Variants in P4HA3 observed in about 807,000 individuals in gnomAD.
The protein encoded by P4HA3 is prolyl 4-hydroxylase subunit alpha 3, also known as prolyl 4-hydroxylase subunit alpha-3.
A neutral mutation model predicts 66.7 loss-of-function variants in P4HA3; 60 were observed. The observed-to-expected ratio is 0.90, with a 90% CI of 0.73 to 1.12. P4HA3 has a LOEUF of 1.12. Among genes scored for constraint, P4HA3 ranks in the 50% most tolerant of loss-of-function variants. P4HA3 has a pLI of 0.00. For missense variants in P4HA3, 683 were observed against 685.8 expected, an observed-to-expected ratio of 1.00 and a Z score of 0.05; for synonymous variants, 263 against 274.6, an observed-to-expected ratio of 0.96 and a Z score of 0.42.
At chr11:74,268,696 C>G (rs1720635581) in intron 11 of P4HA3, among the ~76,000 whole-genome samples, 2 of 152,334 alleles carry the variant, frequency 1.3e-5, no homozygotes, top group Middle Eastern at 6.8e-3. Flanking sequence ...TTAACACTTT[C>G]AGGGAGCAGG....
rs373833623 is a variant in P4HA3 at position 74,273,098 on chromosome 11, G to C, written c.1398+447C>G. Among the ~76,000 whole-genome samples, 134 of 152,282 alleles carry C rather than the reference G, an allele frequency of 8.8e-4. No individual in the cohort carries two copies. The South Asian group carries it at 0.014, about 16-fold the overall frequency. On this transcript the variant is annotated intron_variant, in intron 10 of 12. Coordinates refer to ENST00000331597, the MANE Select transcript of P4HA3 (RefSeq NM_182904.5). Reference sequence around the variant, plus strand: ...TTGCTGAATTTCTCTCAGTGTCTCTGTTCTTCCCTCTTGTAAATCTGCTGC... The same window carrying C: ...TTGCTGAATTTCTCTCAGTGTCTCTCTTCTTCCCTCTTGTAAATCTGCTGC...
intron 15 of P4HA3, chr11:74,250,796 T>A (rs566712833): frequency 1.6e-6 from 1 of 622,644 alleles, no homozygotes; most frequent in Non-Finnish European, 2.9e-6. Context: ...CAATTACTTG[T>A]ATTACCATCC....
At chr11:74,291,452 G>C (rs368507833) in intron 4 of P4HA3, among the ~76,000 whole-genome samples, 9 of 152,110 alleles carry the variant, frequency 5.9e-5, no homozygotes, top group African/African-American at 2.2e-4. Flanking sequence ...TCTCCTGCCT[G>C]ATTGCCCTGG....
At chr11:74,285,134 T>C (rs1440679048) in intron 7 of P4HA3, among the ~76,000 whole-genome samples, 1 of 151,834 alleles carries the variant, frequency 6.6e-6, no homozygotes, top group Non-Finnish European at 1.5e-5. Flanking sequence ...TATGGGAAAA[T>C]GACCTCTCTC....
chr11:74,271,293 C>A (rs1860187345), intron 10 of P4HA3, among the ~76,000 whole-genome samples: 1 of 152,196 alleles, frequency 6.6e-6, no homozygotes, highest in East Asian at 1.9e-4. Context: ...GTTCAGGTAA[C>A]AAATTAGATT....
rs1046754753 is a variant in P4HA3, at chr11:74,311,420, G to C, written c.192C>G (p.Asp64Glu). 3 of 1,526,932 alleles carry C rather than the reference G, an allele frequency of 2.0e-6. No individual in the cohort carries two copies. The highest frequency in any genetic ancestry group is 2.8e-5 in the African/African-American group (2 of 71,332). 94.6% of individuals were successfully genotyped at this position (1,526,932 alleles called of 1,614,324 possible). The part of the protein sequence containing the change: ...YLRGEEARLR[D>E]LTRFYDKVLS... ...ACTCGTCGTGCCCTCACCTAGTCAGGTCCCGCAGCCGCGCCTCCTCCCCGC... is the reference window on the plus strand; with the variant it reads ...ACTCGTCGTGCCCTCACCTAGTCAGCTCCCGCAGCCGCGCCTCCTCCCCGC... The change falls in exon 1 of 13, where the codon GAC becomes GAG. Residue 64 changes from aspartate to glutamate, a missense_variant. By Grantham distance (45) the Asp-to-Glu change is conservative (BLOSUM62 2). Coordinates refer to ENST00000331597, the MANE Select transcript of P4HA3 (RefSeq NM_182904.5).
At chr11:74,253,610 C>G in intron 15 of P4HA3, 1 of 1,342,540 alleles carries the variant, frequency 7.4e-7, no homozygotes, top group Non-Finnish European at 1.1e-6. Context: ...CCCGCCCAGC[C>G]ATGTGACACT....
chr11:74,255,758 C>T (rs1298261051), intron 15 of P4HA3, among the ~76,000 whole-genome samples: 8 of 152,124 alleles, frequency 5.3e-5, no homozygotes, highest in Non-Finnish European at 8.8e-5. Flanking sequence ...GAACTGTGTC[C>T]CCATGTCAGA....
rs548418570 is a variant in P4HA3 at position 74,294,671 on chromosome 11, C to T, written c.717+3541G>A. Among the ~76,000 whole-genome samples, 445 of 152,308 alleles carry T rather than the reference C, an allele frequency of 2.9e-3. 5 individuals carry two copies. Among genetic ancestry groups the T allele is most frequent in the African/African-American group, 0.01 (417 of 41,566 alleles). ...TTAGTTTTCCTTCTAACAGACAGGA[C>T]CCTCAGCTGCAGGTCTGTTGGAGTT... On this transcript the variant is annotated intron_variant, in intron 4 of 12. Transcript: ENST00000331597.
chr11:74,251,828 G>A (rs1859675156), intron 15 of P4HA3: 1 of 1,321,818 alleles, frequency 7.6e-7, no homozygotes, highest in Non-Finnish European at 1.1e-6. Context: ...TGGTCACCAT[G>A]CCTTTCTTCC....
At position 74,308,592 on chromosome 11, in the gene P4HA3, A is replaced by G. The variant is rs1292578307; in HGVS notation, c.200+2820T>C. On this transcript the variant is annotated intron_variant, in intron 1 of 12. Transcript: ENST00000331597. ...AGAGCAGTCACTAGAGAACAGAATG[A>G]CAGAATGACAGTCTTCAAAATATCA... Among the ~76,000 whole-genome samples the G allele has an allele frequency of 2.0e-5, 3 of 152,178 alleles. No homozygotes were observed. In the East Asian group the frequency reaches 5.8e-4, roughly 29 times the overall value.
intron 8 of P4HA3, among the ~76,000 whole-genome samples, chr11:74,277,942 T>C (rs1380156234): frequency 6.6e-6 from 1 of 152,232 alleles, no homozygotes; most frequent in Non-Finnish European, 1.5e-5. Context: ...GTGTTCATTC[T>C]TTCAAATAGA....
At chr11:74,258,339 T>A (rs1859859465) in intron 15 of P4HA3, among the ~76,000 whole-genome samples, 1 of 152,172 alleles carries the variant, frequency 6.6e-6, no homozygotes, top group Non-Finnish European at 1.5e-5. Context: ...GAATGGAGTG[T>A]TGACAGAGAC....
chr11:74,258,371 AATG>A (rs907277573), intron 15 of P4HA3, among the ~76,000 whole-genome samples: 1 of 152,184 alleles, frequency 6.6e-6, no homozygotes, highest in Non-Finnish European at 1.5e-5. Flanking sequence ...GATTAATGAG[AATG>A]ATGCCATTCC....
At position 74,286,166 on chromosome 11, in the gene P4HA3, A is replaced by G. The variant is rs1053247551; in HGVS notation, c.933+62T>C. On this transcript the variant is annotated intron_variant, in intron 6 of 12. Coordinates refer to ENST00000331597, the MANE Select transcript of P4HA3 (RefSeq NM_182904.5). ...AGCTCTATCCCCTCATGTTATCCCA[A>G]TTCTAGCTTCTCAAACTCTAGCCAG... is the stretch of plus-strand genomic sequence containing the variant. 3.8e-6 allele frequency: 6 copies of G among 1,567,522 alleles called. No individual in the cohort carries two copies. In the African/African-American group the frequency reaches 6.8e-5, roughly 18 times the overall value.
At chr11:74,276,838 A>C in intron 9 of P4HA3, 147 bp downstream of exon 9, 1 of 937,598 alleles carries the variant, frequency 1.1e-6, no homozygotes, top group Non-Finnish European at 1.5e-6. Flanking sequence ...GCTTGAAACT[A>C]AGGCTTTCAG....
downstream of P4HA3, among the ~76,000 whole-genome samples, chr11:74,263,810 G>C (rs970817725): frequency 6.6e-6 from 1 of 152,316 alleles, no homozygotes; most frequent in South Asian, 2.1e-4. Context: ...TTGGAAAACA[G>C]CTCACAGAAC....
At chr11:74,278,115 G>A (rs988788680) in intron 8 of P4HA3, among the ~76,000 whole-genome samples, 6 of 152,210 alleles carry the variant, frequency 3.9e-5, no homozygotes, top group African/African-American at 1.4e-4. Context: ...ACTTTAAAGT[G>A]CTGGGAAGCA....
chr11:74,251,824 C>A, intron 15 of P4HA3: 1 of 1,346,372 alleles, frequency 7.4e-7, no homozygotes, highest in African/African-American at 1.4e-5. Flanking sequence ...GGTTTGGTCA[C>A]CATGCCTTTC....
Sources: gnomAD v4.1 joint callset for allele counts (sites outside exome capture counted in the v4.1 genomes callset) on GRCh38, gnomAD v4.1.1 for gene constraint, MANE v1.5 for transcripts, NCBI Gene and HGNC (gene_info 2026-07-23, HGNC 2026-07-21) for gene names.